The following FSIP1 variants were observed in gnomAD, a reference collection of about 807,000 sequenced individuals.
The protein encoded by FSIP1 is fibrous sheath interacting protein 1, also known as fibrous sheath-interacting protein 1.
FSIP1 carries 65 observed loss-of-function variants against 60.9 expected under a neutral mutation model. That is an observed-to-expected ratio of 1.07 (90% CI 0.87 to 1.31). FSIP1 has a LOEUF of 1.31. Ranked by LOEUF, FSIP1 falls within the 40% of genes most tolerant of loss-of-function variation. FSIP1 has a pLI of 0.00. For synonymous variants in FSIP1, 209 were observed against 221.2 expected (o/e 0.94, Z 0.49); for missense variants, 675 against 665.5 (o/e 1.01, Z -0.16).
intron 10 of FSIP1, among the ~76,000 whole-genome samples, chr15:39,619,082 G>T (rs1261882998): frequency 2.0e-5 from 3 of 152,106 alleles, no homozygotes; most frequent in African/African-American, 7.2e-5. Flanking sequence ...ACTTAATCAT[G>T]AATTTCAATG....
intron 10 of FSIP1, among the ~76,000 whole-genome samples, chr15:39,661,568 G>T (rs1377188921): frequency 6.6e-6 from 1 of 152,160 alleles, no homozygotes; most frequent in Non-Finnish European, 1.5e-5. Context: ...TGAATTCAAA[G>T]ATGACCAGGT....
intron 5 of FSIP1, among the ~76,000 whole-genome samples, chr15:39,750,214 A>G (rs989715066): frequency 1.3e-5 from 2 of 151,978 alleles, no homozygotes; most frequent in Non-Finnish European, 2.9e-5. Context: ...AAAGGATTCA[A>G]TATTGTGATA....
At chr15:39,642,029 A>G (rs1892391062) in intron 10 of FSIP1, among the ~76,000 whole-genome samples, 1 of 152,180 alleles carries the variant, frequency 6.6e-6, no homozygotes, top group Non-Finnish European at 1.5e-5. Flanking sequence ...TTTTGACCTG[A>G]CATTTGATAT....
intron 8 of FSIP1, among the ~76,000 whole-genome samples, chr15:39,734,960 A>T (rs191907774): frequency 1.6e-4 from 25 of 152,308 alleles, no homozygotes; most frequent in Admixed American, 1.5e-3. Flanking sequence ...TACTAACAAA[A>T]ATAATATGCA....
At chr15:39,623,439 G>A (rs1315475420) in intron 10 of FSIP1, among the ~76,000 whole-genome samples, 3 of 152,152 alleles carry the variant, frequency 2.0e-5, no homozygotes, top group Admixed American at 6.5e-5. Context: ...TGAGAAAAGG[G>A]TGGAAAGCTA....
intron 5 of FSIP1, among the ~76,000 whole-genome samples, chr15:39,746,121 T>C (rs1170891454): frequency 6.6e-6 from 1 of 152,118 alleles, no homozygotes; most frequent in African/African-American, 2.4e-5. Flanking sequence ...AAAAACACGA[T>C]GTTGAATGAA....
chr15:39,707,507 G>T (rs1218434828), intron 10 of FSIP1, among the ~76,000 whole-genome samples: 1 of 151,918 alleles, frequency 6.6e-6, no homozygotes, highest in African/African-American at 2.4e-5. Context: ...AGGGTACCTT[G>T]GTTCTTCTCC....
chr15:39,693,581 A>G (rs963331101), intron 10 of FSIP1, among the ~76,000 whole-genome samples: 2 of 152,228 alleles, frequency 1.3e-5, no homozygotes, highest in South Asian at 2.1e-4. Flanking sequence ...TTTAAGGTGG[A>G]CTATATTACT....
At chr15:39,730,882 T>G (rs1293878808) in intron 8 of FSIP1, among the ~76,000 whole-genome samples, 1 of 152,200 alleles carries the variant, frequency 6.6e-6, no homozygotes, top group Non-Finnish European at 1.5e-5. Flanking sequence ...AGGCTGTTCC[T>G]AAAGCCATGT....
intron 2 of FSIP1, 68 bp from the exon 3 acceptor site, chr15:39,770,678 G>T: frequency 3.9e-6 from 4 of 1,031,882 alleles, no homozygotes; most frequent in Non-Finnish European, 5.3e-6. Flanking sequence ...TACATTTCTA[G>T]AATATTTTGA....
intron 10 of FSIP1, among the ~76,000 whole-genome samples, chr15:39,658,335 C>T (rs1261123835): frequency 2.0e-5 from 3 of 151,154 alleles, no homozygotes; most frequent in Non-Finnish European, 4.4e-5. Context: ...TCACTGCAAC[C>T]GCTTCCTGGG....
chr15:39,625,430 GA>G (rs747950398), intron 10 of FSIP1, among the ~76,000 whole-genome samples: 36 of 152,314 alleles, frequency 2.4e-4, no homozygotes, highest in Non-Finnish European at 4.3e-4. Flanking sequence ...GAAAAGTGTG[GA>G]GGTGCTCGGC....
intron 10 of FSIP1, among the ~76,000 whole-genome samples, chr15:39,654,473 G>T (rs1181368902): frequency 6.6e-6 from 1 of 152,158 alleles, no homozygotes; most frequent in African/African-American, 2.4e-5. Context: ...ACATCCTTAT[G>T]TGATACCTGT....
intron 9 of FSIP1, among the ~76,000 whole-genome samples, chr15:39,714,411 G>A (rs76857930): frequency 0.015 from 2,203 of 151,100 alleles, 39 homozygotes; most frequent in African/African-American, 0.048. Flanking sequence ...TAAGTGATGG[G>A]CAGTAATGAC....
At position 39,689,386 on chromosome 15, in the gene FSIP1, C is replaced by T. The variant is rs147762663; in HGVS notation, c.1188+24058G>A. Among the ~76,000 whole-genome samples, 1,447 of 152,266 alleles carry T rather than the reference C, an allele frequency of 9.5e-3. 14 individuals carry two copies. The highest frequency in any genetic ancestry group is 0.012 in the Non-Finnish European group (837 of 68,024). The stretch of plus-strand genomic sequence containing the variant: ...TGGTGATGAGCTTAATCTCCAGACC[C>T]TCTCCCCTCCCTGGACATCTAGGGT... On this transcript the variant is annotated intron_variant, in intron 10 of 11. Coordinates refer to ENST00000350221, the MANE Select transcript of FSIP1 (RefSeq NM_152597.5).
At chr15:39,721,279 G>A (rs879864779) in intron 9 of FSIP1, among the ~76,000 whole-genome samples, 2 of 152,174 alleles carry the variant, frequency 1.3e-5, no homozygotes, top group Admixed American at 6.5e-5. Flanking sequence ...ACCATACAGA[G>A]ATAAGTCAGA....
At chr15:39,634,367 A>C (rs918515855) in intron 10 of FSIP1, among the ~76,000 whole-genome samples, 4 of 152,168 alleles carry the variant, frequency 2.6e-5, no homozygotes, top group African/African-American at 9.7e-5. Context: ...CAACCCAAAC[A>C]GGGTTTAGTC....
At chr15:39,682,108 T>C (rs77102133) in intron 10 of FSIP1, among the ~76,000 whole-genome samples, 2,472 of 152,288 alleles carry the variant, frequency 0.016, 57 homozygotes, top group African/African-American at 0.057. Flanking sequence ...ATGGTCTCAA[T>C]ATAGTTCCTG....
chr15:39,655,178 T>C (rs556158262), intron 10 of FSIP1, among the ~76,000 whole-genome samples: 5 of 152,262 alleles, frequency 3.3e-5, no homozygotes, highest in South Asian at 2.1e-4. Context: ...TTATTGGCAA[T>C]GGTGAGAAGG....
Sources: gnomAD v4.1 joint callset for allele counts (sites outside exome capture counted in the v4.1 genomes callset) on GRCh38, gnomAD v4.1.1 for gene constraint, MANE v1.5 for transcripts, NCBI Gene and HGNC (gene_info 2026-07-23, HGNC 2026-07-21) for gene names.